CHN2: variants seen among roughly 807,000 people sequenced by gnomAD.
CHN2 encodes chimerin 2.
A neutral mutation model predicts 56.3 loss-of-function variants in CHN2; 35 were observed. The ratio of observed to expected loss-of-function variants is 0.62; its 90% CI spans 0.47 to 0.82. The LOEUF is 0.82. Ranked by LOEUF, CHN2 falls within the 40% of genes least tolerant of loss-of-function variation. CHN2 has a pLI of 0.00. For missense variants in CHN2, 491 were observed against 580.5 expected, an observed-to-expected ratio of 0.85 and a Z score of 1.58; for synonymous variants, 210 against 212.8, an observed-to-expected ratio of 0.99 and a Z score of 0.12.
At chr7:29,468,198 G>A (rs1785727681) in intron 6 of CHN2, among the ~76,000 whole-genome samples, 1 of 131,878 alleles carries the variant, frequency 7.6e-6, no homozygotes, top group South Asian at 2.4e-4. Flanking sequence ...GATTGATGAT[G>A]CCATACTTCC....
chr7:29,319,237 C>T (rs760919801), intron 1 of CHN2, among the ~76,000 whole-genome samples: 27 of 152,148 alleles, frequency 1.8e-4, no homozygotes, highest in Non-Finnish European at 3.8e-4. Flanking sequence ...TTGATGGAAT[C>T]ATCACAAAAA....
intron 1 of CHN2, among the ~76,000 whole-genome samples, chr7:29,334,754 TCAAA>T (rs148773641): frequency 0.029 from 4,389 of 152,182 alleles, 197 homozygotes; most frequent in African/African-American, 0.098. Flanking sequence ...AGACCCTGTC[TCAAA>T]CAAACAAACA....
intron 2 of CHN2, among the ~76,000 whole-genome samples, chr7:29,157,251 A>G (rs1794504116): frequency 6.6e-6 from 1 of 151,498 alleles, no homozygotes; most frequent in South Asian, 2.1e-4. Flanking sequence ...ATGAGATGCG[A>G]CCCCTCCCCC....
chr7:29,327,465 A>G (rs1256457570), intron 1 of CHN2, among the ~76,000 whole-genome samples: 1 of 152,178 alleles, frequency 6.6e-6, no homozygotes, highest in Non-Finnish European at 1.5e-5. Context: ...CTCACTGTTG[A>G]GATAAAATAT....
chr7:29,270,931 T>G (rs1790585456), intron 1 of CHN2, among the ~76,000 whole-genome samples: 1 of 152,174 alleles, frequency 6.6e-6, no homozygotes. Context: ...ATATTTTCCA[T>G]GCAGATAATC....
chr7:29,278,198 C>T (rs1016740013), intron 1 of CHN2, among the ~76,000 whole-genome samples: 3 of 152,170 alleles, frequency 2.0e-5, no homozygotes, highest in African/African-American at 7.2e-5. Context: ...AACTGAGGAG[C>T]TTTAAAAAGT....
At chr7:29,280,960 G>C (rs1173074758) in intron 1 of CHN2, among the ~76,000 whole-genome samples, 1 of 152,136 alleles carries the variant, frequency 6.6e-6, no homozygotes, top group African/African-American at 2.4e-5. Flanking sequence ...GCCGGGCATG[G>C]TGGCGCATGC....
intron 12 of CHN2, among the ~76,000 whole-genome samples, chr7:29,511,001 T>TAAC (rs1217718648): frequency 1.3e-5 from 2 of 152,168 alleles, no homozygotes; most frequent in Non-Finnish European, 2.9e-5. Context: ...ATTGGTGTTA[T>TAAC]AACATTGGAG....
intron 8 of CHN2, 150 bp downstream of exon 8, chr7:29,496,186 A>T (rs1789260861): frequency 2.0e-6 from 1 of 506,806 alleles, no homozygotes; most frequent in Non-Finnish European, 3.4e-6. Context: ...TTAATGGGGA[A>T]ACTATTTCAA....
intron 1 of CHN2, among the ~76,000 whole-genome samples, chr7:29,226,700 G>A (rs529007664): frequency 1.8e-4 from 28 of 152,212 alleles, no homozygotes; most frequent in Middle Eastern, 3.4e-3. Context: ...ATGACTTTTC[G>A]AATTTCCTCT....
intron 2 of CHN2, among the ~76,000 whole-genome samples, chr7:29,149,055 G>A (rs79192958): frequency 1.7e-3 from 254 of 152,280 alleles, no homozygotes; most frequent in African/African-American, 5.3e-3. Context: ...GACACCAGGC[G>A]TGTTCAGGGT....
intron 6 of CHN2, among the ~76,000 whole-genome samples, chr7:29,409,249 T>G (rs1802960419): frequency 6.6e-6 from 1 of 152,166 alleles, no homozygotes; most frequent in Admixed American, 6.5e-5. Flanking sequence ...CCCTCTATAC[T>G]CTTTAAAGTT....
upstream of CHN2, chr7:29,193,829 A>G (rs39050): frequency 0.89 from 135,819 of 152,200 alleles, 60,848 homozygotes; most frequent in East Asian, 0.98. Context: ...CTTTGACACC[A>G]GCTTTGTGTG....
chr7:29,501,041 G>T (rs1789911166), intron 9 of CHN2, among the ~76,000 whole-genome samples: 1 of 152,132 alleles, frequency 6.6e-6, no homozygotes, highest in Non-Finnish European at 1.5e-5. Context: ...ATCATATTCT[G>T]TTATACTGGC....
intron 1 of CHN2, among the ~76,000 whole-genome samples, chr7:29,351,315 G>A (rs558243488): frequency 1.5e-4 from 10 of 67,266 alleles, no homozygotes; most frequent in African/African-American, 5.4e-4. Context: ...TAATACATTT[G>A]TTTTGTTTTG....
intron 1 of CHN2, among the ~76,000 whole-genome samples, chr7:29,343,236 A>T (rs762053624): frequency 3.9e-5 from 6 of 152,296 alleles, no homozygotes; most frequent in Non-Finnish European, 8.8e-5. Context: ...TCCACCAGGA[A>T]AGCATCTCCA....
upstream of CHN2, chr7:29,194,026 G>C (rs1441063745): frequency 6.6e-6 from 1 of 152,306 alleles, no homozygotes; most frequent in Admixed American, 6.5e-5. Context: ...GGACAATTTG[G>C]AGAGGAGTGG....
chr7:29,374,796 C>G lies in CHN2; in HGVS notation c.144+6809C>G, dbSNP rs1018548722. On this transcript the variant is annotated intron_variant, in intron 3 of 12. Coordinates refer to ENST00000222792, the MANE Select transcript of CHN2 (RefSeq NM_004067.4). ...CAATCTCTCTGGGTGATTTTTATTT[C>G]TTTATTTCCTTCCTTCCTTCCTTCC... Among the ~76,000 whole-genome samples, 30 of 149,194 alleles carry G rather than the reference C, an allele frequency of 2.0e-4. 1 individual carries two copies. Among genetic ancestry groups the G allele is most frequent in the South Asian group, 1.3e-3 (6 of 4,654 alleles).
chr7:29,374,145 CT>C (rs1285214576), intron 3 of CHN2, among the ~76,000 whole-genome samples: 13 of 152,212 alleles, frequency 8.5e-5, no homozygotes, highest in Admixed American at 2.6e-4. Context: ...CTGCTTGTCT[CT>C]TTTTTTCCCC....
Sources: allele counts gnomAD v4.1 joint callset (sites outside exome capture counted in the v4.1 genomes callset), GRCh38; gene constraint gnomAD v4.1.1; transcripts MANE v1.5; gene names NCBI Gene and HGNC (gene_info 2026-07-23, HGNC 2026-07-21).